CCDC18: variants seen among roughly 807,000 people sequenced by gnomAD.
The protein encoded by CCDC18 is coiled-coil domain containing 18.
Under a neutral mutation model 196.0 loss-of-function variants are expected in CCDC18, and 157 were observed. That is an observed-to-expected ratio of 0.80 (90% CI 0.70 to 0.91). The LOEUF is 0.91. Ranked by LOEUF, CCDC18 falls within the 40% of genes least tolerant of loss-of-function variation. The probability of loss-of-function intolerance (pLI) is 0.00; values close to 1 mark genes in which losing one functional copy is unlikely to be tolerated. For synonymous variants in CCDC18, 482 were observed against 529.2 expected (o/e 0.91, Z 1.22); for missense variants, 1,465 against 1,611.6 (o/e 0.91, Z 1.56).
At chr1:93,278,208 A>G (rs1305840958) in intron 28 of CCDC18, among the ~76,000 whole-genome samples, 2 of 151,968 alleles carry the variant, frequency 1.3e-5, no homozygotes, top group African/African-American at 4.8e-5. Flanking sequence ...GGCTGGTCTC[A>G]AACTCCTGAC....
intron 19 of CCDC18, among the ~76,000 whole-genome samples, chr1:93,236,690 A>G (rs1431420297): frequency 1.3e-5 from 2 of 152,236 alleles, no homozygotes; most frequent in African/African-American, 4.8e-5. Context: ...GCACTCAGCA[A>G]CTGTTAATTG....
At chr1:93,195,419 T>A (rs759837534) in intron 6 of CCDC18, among the ~76,000 whole-genome samples, 40 of 152,270 alleles carry the variant, frequency 2.6e-4, no homozygotes, top group Non-Finnish European at 3.8e-4. Context: ...AATAGCCAAT[T>A]GAGATTTTTA....
chr1:93,224,709 T>C (rs1658012935), intron 16 of CCDC18, among the ~76,000 whole-genome samples: 1 of 152,276 alleles, frequency 6.6e-6, no homozygotes, highest in African/African-American at 2.4e-5. Flanking sequence ...TTTGAGGCCA[T>C]GTGAATATCC....
At chr1:93,274,598 A>G (rs555626614) in intron 28 of CCDC18, among the ~76,000 whole-genome samples, 2 of 152,064 alleles carry the variant, frequency 1.3e-5, no homozygotes, top group African/African-American at 4.8e-5. Context: ...TAATCCCAAC[A>G]CTTTGGGAGG....
intron 28 of CCDC18, among the ~76,000 whole-genome samples, chr1:93,276,627 TAATACCTAGAGACATGA>T (rs1665635501): frequency 6.6e-6 from 1 of 152,008 alleles, no homozygotes; most frequent in South Asian, 2.1e-4. Context: ...GGAGTACAGG[TAATACCTAGAGACATGA>T]TAATATTTTC....
At chr1:93,242,051 T>G (rs1660864776) in intron 21 of CCDC18, among the ~76,000 whole-genome samples, 1 of 152,198 alleles carries the variant, frequency 6.6e-6, no homozygotes, top group East Asian at 1.9e-4. Flanking sequence ...CACTCCTAGT[T>G]TTGTACTCAA....
chr1:93,247,070 T>G (rs1174795773), intron 23 of CCDC18, 116 bp downstream of exon 23: 1 of 554,676 alleles, frequency 1.8e-6, no homozygotes, highest in Non-Finnish European at 3.3e-6. Flanking sequence ...GTTTTTTGTT[T>G]TTTTTGGAGA....
intron 28 of CCDC18, among the ~76,000 whole-genome samples, chr1:93,272,328 G>A (rs1055097535): frequency 2.0e-5 from 3 of 152,142 alleles, no homozygotes; most frequent in Admixed American, 1.3e-4. Context: ...ATTTATGAAT[G>A]TATCAAGTGG....
intron 6 of CCDC18, among the ~76,000 whole-genome samples, chr1:93,196,052 G>A (rs1167561506): frequency 6.6e-6 from 1 of 152,194 alleles, no homozygotes; most frequent in Non-Finnish European, 1.5e-5. Flanking sequence ...ACTGGATGCG[G>A]AGGCTAACAC....
rs781629982 is a variant in CCDC18, at chr1:93,216,935, C to CTCTTTTT, written c.1830+190_1830+191insCTTTTTT. On this transcript the variant is annotated intron_variant, in intron 13 of 28. Coordinates refer to ENST00000690025, the MANE Select transcript of CCDC18 (RefSeq NM_001378204.1). ...ATATGGCAAGTTATCCAAGTTTTCT[C>CTCTTTTT]TTTTTTTTTTTTTTTTTGAGACAGA... 2.0e-3 allele frequency among the ~76,000 whole-genome samples: 270 copies of CTCTTTTT among 132,736 alleles called. 15 individuals are homozygous for CTCTTTTT. The highest frequency in any genetic ancestry group is 5.9e-3 in the African/African-American group (203 of 34,130). The allele number at this position is 132,736 out of a possible 152,430, so 87.1% of individuals were successfully genotyped here. A position where few individuals can be genotyped will look rare whatever the true frequency, so the allele number is the denominator to read the frequency against.
chr1:93,216,583 C>G, intron 12 of CCDC18, 53 bp from the exon 13 acceptor site: 1 of 920,740 alleles, frequency 1.1e-6, no homozygotes. Flanking sequence ...TCTTAGAATG[C>G]AAAATCATTA....
intron 26 of CCDC18, among the ~76,000 whole-genome samples, chr1:93,263,037 T>C (rs560007705): frequency 2.3e-4 from 35 of 152,086 alleles, no homozygotes; most frequent in Non-Finnish European, 5.0e-4. Context: ...TGACCCCTTT[T>C]AGCCATGGGT....
At position 93,239,851 on chromosome 1, in the gene CCDC18, T is replaced by G. The variant is rs764868486; in HGVS notation, c.2936T>G (p.Leu979Ter). 3.7e-6 allele frequency: 6 copies of G among 1,612,888 alleles called. No individual in the cohort carries two copies. Among genetic ancestry groups the G allele is most frequent in the Non-Finnish European group, 5.1e-6 (6 of 1,179,348 alleles). ...GTACTACAGAAGGCTCAATTATCAT[T>G]AGAGGAAAAATACACTACTATAAAG... ...RDVLQKAQLS[L>*]EEKYTTIKDL... Residue 979 changes from leucine (L) to a stop codon, truncating the protein, a stop_gained, in exon 21 of 29, where the codon TTA becomes TGA. Coordinates refer to ENST00000690025, the MANE Select transcript of CCDC18 (RefSeq NM_001378204.1). LOFTEE classifies it high-confidence loss of function.
intron 9 of CCDC18, among the ~76,000 whole-genome samples, chr1:93,207,889 A>G (rs1394829657): frequency 4.6e-5 from 7 of 152,154 alleles, no homozygotes; most frequent in African/African-American, 1.7e-4. Context: ...CTCGTATAAT[A>G]TGTGCTCTTT....
intron 26 of CCDC18, among the ~76,000 whole-genome samples, chr1:93,260,475 A>G (rs1381673728): frequency 6.6e-6 from 1 of 152,194 alleles, no homozygotes; most frequent in East Asian, 1.9e-4. Context: ...ATTGAAGTAT[A>G]TATTTTTACC....
At position 93,250,745 on chromosome 1, in the gene CCDC18, G is replaced by C. The variant is rs1412398018; in HGVS notation, c.3199-3726G>C. The stretch of plus-strand genomic sequence containing the variant: ...TTCTTTGTCTCTTTCTACTGTCTTT[G>C]ATCTGTAGTCTGTTTTGTCTAAGTA... On this transcript the variant is annotated intron_variant, in intron 23 of 28. Transcript: ENST00000690025. Among the ~76,000 whole-genome samples the C allele has an allele frequency of 3.3e-5, 5 of 151,730 alleles. No individual in the cohort carries two copies. In the South Asian group the frequency reaches 8.3e-4, roughly 25 times the overall value.
At position 93,183,515 on chromosome 1, in the gene CCDC18, T is replaced by C. The variant is rs753848436; in HGVS notation, c.134+20T>C. On this transcript the variant is annotated intron_variant, in intron 2 of 28. Coordinates refer to ENST00000690025, the MANE Select transcript of CCDC18 (RefSeq NM_001378204.1). ...ATCCAGGTAAGTAAGTAAAATCACATATAGAATTCACTGTGCCTTAAATAC... is the reference window on the plus strand; with the variant it reads ...ATCCAGGTAAGTAAGTAAAATCACACATAGAATTCACTGTGCCTTAAATAC... 4 of 1,562,794 alleles carry C rather than the reference T, an allele frequency of 2.6e-6. No individual in the cohort carries two copies. The highest frequency in any genetic ancestry group is 2.6e-6 in the Non-Finnish European group (3 of 1,152,134).
At chr1:93,194,563 A>G (rs1652389559) in intron 6 of CCDC18, among the ~76,000 whole-genome samples, 1 of 152,092 alleles carries the variant, frequency 6.6e-6, no homozygotes, top group Non-Finnish European at 1.5e-5. Context: ...GGTTTTTTTC[A>G]TCTGTTAAAT....
intron 26 of CCDC18, among the ~76,000 whole-genome samples, chr1:93,264,426 CA>C (rs995856070): frequency 2.0e-5 from 3 of 152,112 alleles, no homozygotes; most frequent in African/African-American, 7.2e-5. Context: ...CCAATTGTCT[CA>C]AAAATGTCTT....
Sources: allele counts gnomAD v4.1 joint callset (sites outside exome capture counted in the v4.1 genomes callset), GRCh38; gene constraint gnomAD v4.1.1; transcripts MANE v1.5; gene names NCBI Gene and HGNC (gene_info 2026-07-23, HGNC 2026-07-21).